ZZZ3: variants seen among roughly 807,000 people sequenced by gnomAD.
ZZZ3 encodes the protein zinc finger ZZ-type containing 3.
A neutral mutation model predicts 95.2 loss-of-function variants in ZZZ3; 22 were observed. That is an observed-to-expected ratio of 0.23 (90% CI 0.17 to 0.33). ZZZ3 has a LOEUF of 0.33. Among genes scored for constraint, ZZZ3 ranks in the 10% least tolerant of loss-of-function variants. The probability of loss-of-function intolerance (pLI) is 1.00; values close to 1 mark genes in which losing one functional copy is unlikely to be tolerated. For synonymous variants in ZZZ3, 335 were observed against 358.9 expected (o/e 0.93, Z 0.75); for missense variants, 885 against 1,066.5 (o/e 0.83, Z 2.37).
chr1:77,596,529 A>G (rs1664228070), intron 5 of ZZZ3, among the ~76,000 whole-genome samples: 1 of 152,094 alleles, frequency 6.6e-6, no homozygotes, highest in Non-Finnish European at 1.5e-5. Flanking sequence ...AAATTTTTTA[A>G]AAGTTATTTA....
At chr1:77,584,705 T>TA (rs1662917985) in intron 5 of ZZZ3, 50 bp from the exon 6 acceptor site, 1 of 1,475,304 alleles carries the variant, frequency 6.8e-7, no homozygotes, top group African/African-American at 1.4e-5. Flanking sequence ...GTAACAACAA[T>TA]AAATAAAAAC....
At chr1:77,679,279 T>C (rs1178630058) in intron 1 of ZZZ3, among the ~76,000 whole-genome samples, 1 of 152,160 alleles carries the variant, frequency 6.6e-6, no homozygotes, top group Non-Finnish European at 1.5e-5. Context: ...GACTCCAAAC[T>C]GAATTTTCAT....
intron 5 of ZZZ3, among the ~76,000 whole-genome samples, chr1:77,621,311 C>G (rs750824733): frequency 8.6e-5 from 13 of 151,470 alleles, no homozygotes; most frequent in Admixed American, 1.3e-4. Context: ...AGGAGCCTGT[C>G]TCTACAAAAA....
At chr1:77,665,101 G>A (rs887959636) in intron 1 of ZZZ3, among the ~76,000 whole-genome samples, 8 of 152,184 alleles carry the variant, frequency 5.3e-5, no homozygotes, top group South Asian at 2.1e-4. Context: ...ATCAAGTGGT[G>A]AAATAATCTG....
At chr1:77,664,099 AC>A (rs1383161119) in intron 1 of ZZZ3, among the ~76,000 whole-genome samples, 3 of 151,902 alleles carry the variant, frequency 2.0e-5, no homozygotes, top group East Asian at 1.9e-4. Flanking sequence ...AAAAAAAAAA[AC>A]AAACTATCTA....
chr1:77,587,922 T>C (rs758619748), intron 5 of ZZZ3, among the ~76,000 whole-genome samples: 2 of 152,232 alleles, frequency 1.3e-5, no homozygotes, highest in Admixed American at 1.3e-4. Flanking sequence ...TAAATGTATT[T>C]TCTCTTTATT....
chr1:77,601,265 C>A (rs183761074), intron 5 of ZZZ3, among the ~76,000 whole-genome samples: 1 of 152,118 alleles, frequency 6.6e-6, no homozygotes, highest in Admixed American at 6.5e-5. Flanking sequence ...AATGAAGAAT[C>A]TAAGGTAAAA....
At chr1:77,645,043 G>T (rs1272549317) in intron 1 of ZZZ3, among the ~76,000 whole-genome samples, 2 of 151,796 alleles carry the variant, frequency 1.3e-5, no homozygotes, top group African/African-American at 4.8e-5. Flanking sequence ...GGGTAACTTG[G>T]CAAGACCCTG....
intron 5 of ZZZ3, among the ~76,000 whole-genome samples, chr1:77,616,498 C>G (rs1666326881): frequency 6.6e-6 from 1 of 152,170 alleles, no homozygotes; most frequent in African/African-American, 2.4e-5. Flanking sequence ...AATTATTGAG[C>G]AATAGGTGGC....
At chr1:77,589,417 TTTA>T (rs1424193937) in intron 5 of ZZZ3, among the ~76,000 whole-genome samples, 1 of 52,788 alleles carries the variant, frequency 1.9e-5, no homozygotes, top group Non-Finnish European at 4.5e-5. Flanking sequence ...GTTGATTTTA[TTTA>T]TTTATTTATT....
At chr1:77,593,060 C>G (rs1663876330) in intron 5 of ZZZ3, among the ~76,000 whole-genome samples, 1 of 152,112 alleles carries the variant, frequency 6.6e-6, no homozygotes, top group Admixed American at 6.5e-5. Context: ...AGTAGAAGAT[C>G]AGAGTTGGAG....
At position 77,668,063 on chromosome 1, in the gene ZZZ3, G is replaced by T. The variant is rs547949081; in HGVS notation, c.-403+14522C>A. 1.8e-4 allele frequency among the ~76,000 whole-genome samples: 28 copies of T among 152,084 alleles called. 1 individual carries two copies. In the South Asian group the frequency reaches 5.6e-3, roughly 30 times the overall value. Reference sequence around the variant, plus strand: ...ATTACAGGTGTGAGCCGCTACACCTGGCTAATGGGTATCCTTGATATGTTT... The same window carrying T: ...ATTACAGGTGTGAGCCGCTACACCTTGCTAATGGGTATCCTTGATATGTTT... On this transcript the variant is annotated intron_variant, in intron 1 of 14. Coordinates refer to ENST00000370801, the MANE Select transcript of ZZZ3 (RefSeq NM_015534.6).
chr1:77,572,332 GT>G (rs943219616), intron 12 of ZZZ3, among the ~76,000 whole-genome samples: 1 of 151,956 alleles, frequency 6.6e-6, no homozygotes, highest in African/African-American at 2.4e-5. Flanking sequence ...AGGGTTTTGG[GT>G]TTTTTTGTTT....
chr1:77,589,006 C>T (rs553268300), intron 5 of ZZZ3, among the ~76,000 whole-genome samples: 8 of 152,130 alleles, frequency 5.3e-5, no homozygotes, highest in Non-Finnish European at 7.4e-5. Flanking sequence ...CAGCCTCCCA[C>T]GTAGCTGGGA....
intron 1 of ZZZ3, among the ~76,000 whole-genome samples, 185 bp downstream of exon 1, chr1:77,682,400 G>C (rs563711086): frequency 1.3e-5 from 2 of 152,318 alleles, no homozygotes; most frequent in African/African-American, 4.8e-5. Context: ...ATCACTGCGT[G>C]GGGAGAAGGA....
At chr1:77,663,066 C>T (rs1023296202) in intron 1 of ZZZ3, among the ~76,000 whole-genome samples, 2 of 151,574 alleles carry the variant, frequency 1.3e-5, no homozygotes, top group Non-Finnish European at 2.9e-5. Flanking sequence ...GATCACGCTA[C>T]TGCACTCCAG....
chr1:77,627,235 A>C (rs1274285380), intron 5 of ZZZ3, among the ~76,000 whole-genome samples: 1 of 152,194 alleles, frequency 6.6e-6, no homozygotes, highest in Non-Finnish European at 1.5e-5. Flanking sequence ...CTTAATTACG[A>C]GTTAGGAAAT....
At chr1:77,615,791 A>G (rs1183310904) in intron 5 of ZZZ3, among the ~76,000 whole-genome samples, 2 of 152,220 alleles carry the variant, frequency 1.3e-5, no homozygotes, top group African/African-American at 4.8e-5. Context: ...AAAGTGAGGT[A>G]CTGATTCTTA....
In ZZZ3 at chr1:77,563,501, G is replaced by C. The variant is rs944007414; in HGVS notation, c.*2139C>G. 6.6e-6 allele frequency: 1 copy of C among 151,988 alleles called. No individual in the cohort carries two copies. The highest frequency in any genetic ancestry group is 1.5e-5 in the Non-Finnish European group (1 of 67,994). 9.4% of individuals were successfully genotyped at this position (151,988 alleles called of 1,614,324 possible). On this transcript the variant is annotated 3_prime_UTR_variant, in exon 15 of 15. Transcript: ENST00000370801. The stretch of plus-strand genomic sequence containing the variant: ...TCTTAACTCAAAAATCTCAAAAAAT[G>C]TTTGCCCTAGAAAAATGCATTCAAA...
Sources: allele counts gnomAD v4.1 joint callset (sites outside exome capture counted in the v4.1 genomes callset), GRCh38; gene constraint gnomAD v4.1.1; transcripts MANE v1.5; gene names NCBI Gene and HGNC (gene_info 2026-07-23, HGNC 2026-07-21).